The following SLC35F4 variants were observed in gnomAD, a reference collection of about 807,000 sequenced individuals.
SLC35F4 encodes the protein chromosome 14 open reading frame 36.
In SLC35F4, 24 loss-of-function variants were observed where a neutral mutation model predicts 44.2. The observed-to-expected ratio is 0.54, with a 90% CI of 0.39 to 0.76. The LOEUF (loss-of-function observed/expected upper bound fraction) is 0.76, where lower values mean the gene tolerates loss of function less well. Among genes scored for constraint, SLC35F4 ranks in the 30% least tolerant of loss-of-function variants. The pLI is 0.00. For missense variants in SLC35F4, 562 were observed against 586.1 expected, an observed-to-expected ratio of 0.96 and a Z score of 0.42; for synonymous variants, 238 against 223.6, an observed-to-expected ratio of 1.06 and a Z score of -0.57.
intron 1 of SLC35F4, among the ~76,000 whole-genome samples, chr14:57,841,750 G>C (rs1885504695): frequency 6.6e-6 from 1 of 152,108 alleles, no homozygotes; most frequent in Non-Finnish European, 1.5e-5. Flanking sequence ...AAGCCACGTA[G>C]ATCATTACAA....
intron 1 of SLC35F4, among the ~76,000 whole-genome samples, chr14:57,650,768 C>T (rs958045047): frequency 1.3e-5 from 2 of 152,192 alleles, no homozygotes; most frequent in African/African-American, 4.8e-5. Context: ...TCCCTGCCCA[C>T]CCCTCCAGGT....
chr14:57,963,618 G>A (rs144281081), intron 1 of SLC35F4, among the ~76,000 whole-genome samples: 3 of 151,650 alleles, frequency 2.0e-5, no homozygotes, highest in Non-Finnish European at 4.4e-5. Context: ...CTCACAGCAC[G>A]TGGAACTGTC....
intron 1 of SLC35F4, among the ~76,000 whole-genome samples, chr14:57,819,035 C>A (rs1381884068): frequency 1.3e-5 from 2 of 152,102 alleles, no homozygotes; most frequent in East Asian, 1.9e-4. Flanking sequence ...CTAACCAATA[C>A]ATTAAATTTA....
At chr14:57,707,691 T>TGGGTAATG (rs1308111166) in intron 1 of SLC35F4, among the ~76,000 whole-genome samples, 1 of 152,150 alleles carries the variant, frequency 6.6e-6, no homozygotes, top group Admixed American at 6.5e-5. Flanking sequence ...ACTTTGGAAC[T>TGGGTAATG]GGGTAATGGG....
intron 1 of SLC35F4, among the ~76,000 whole-genome samples, chr14:57,659,462 T>C (rs1345180451): frequency 6.6e-6 from 1 of 152,168 alleles, no homozygotes; most frequent in East Asian, 1.9e-4. Context: ...CAGTCAGAAT[T>C]AAATAGAAAT....
chr14:57,723,114 G>A (rs1015821892), intron 1 of SLC35F4, among the ~76,000 whole-genome samples: 2 of 152,148 alleles, frequency 1.3e-5, no homozygotes, highest in East Asian at 3.9e-4. Flanking sequence ...CATCATTGTG[G>A]TCCTCCAGTT....
At position 57,799,173 on chromosome 14, in the gene SLC35F4, C is replaced by T. The variant is rs79068124; in HGVS notation, c.103+66550G>A. The stretch of plus-strand genomic sequence containing the variant: ...CACAAAGAACAAAGAAAAGCAGGGA[C>T]GGAGCAACGTCCCTAGGAGCTGCTC... On this transcript the variant is annotated intron_variant, in intron 1 of 7. Transcript: ENST00000556826. Among the ~76,000 whole-genome samples the T allele has an allele frequency of 8.6e-3, 1,302 of 152,234 alleles. 6 individuals are homozygous for T. The highest frequency in any genetic ancestry group is 0.012 in the Non-Finnish European group (826 of 68,012).
intron 1 of SLC35F4, among the ~76,000 whole-genome samples, chr14:57,846,268 A>G (rs1191527137): frequency 6.6e-6 from 1 of 152,210 alleles, no homozygotes; most frequent in Non-Finnish European, 1.5e-5. Flanking sequence ...TCTCCCTAGG[A>G]TGAAGATCCT....
chr14:57,888,000 C>G (rs907598041), intron 1 of SLC35F4, among the ~76,000 whole-genome samples: 1 of 152,092 alleles, frequency 6.6e-6, no homozygotes, highest in Non-Finnish European at 1.5e-5. Flanking sequence ...ATTTATTGGA[C>G]CCAGGAGATG....
At chr14:57,919,320 C>A (rs1889393449) in intron 1 of SLC35F4, among the ~76,000 whole-genome samples, 2 of 152,188 alleles carry the variant, frequency 1.3e-5, no homozygotes, top group African/African-American at 2.4e-5. Flanking sequence ...GGGACAATAA[C>A]CTACTCCTTA....
intron 1 of SLC35F4, among the ~76,000 whole-genome samples, chr14:57,638,063 A>C (rs1231293450): frequency 1.3e-5 from 2 of 152,146 alleles, no homozygotes; most frequent in African/African-American, 4.8e-5. Flanking sequence ...CATAAGAATA[A>C]ACTATGTCCT....
intron 1 of SLC35F4, among the ~76,000 whole-genome samples, chr14:57,749,753 CA>C (rs1409587370): frequency 6.6e-6 from 1 of 152,080 alleles, no homozygotes; most frequent in African/African-American, 2.4e-5. Context: ...GTTCTTTCAC[CA>C]AGGTCAGTTC....
chr14:57,809,379 T>C (rs1416495834), intron 1 of SLC35F4, among the ~76,000 whole-genome samples: 9 of 152,150 alleles, frequency 5.9e-5, no homozygotes, highest in Non-Finnish European at 1.0e-4. Flanking sequence ...TGAGTAGAAG[T>C]GATTCATGGC....
intron 1 of SLC35F4, among the ~76,000 whole-genome samples, chr14:57,897,218 A>G (rs1276261651): frequency 6.6e-6 from 1 of 152,076 alleles, no homozygotes; most frequent in African/African-American, 2.4e-5. Flanking sequence ...TGTTAGCACC[A>G]TTTCTTGCAA....
chr14:57,744,253 G>T (rs568082972), intron 1 of SLC35F4, among the ~76,000 whole-genome samples: 3 of 152,244 alleles, frequency 2.0e-5, no homozygotes, highest in Non-Finnish European at 4.4e-5. Flanking sequence ...AAGAAATAAA[G>T]GGTATTCAAT....
chr14:57,865,492 A>T (rs1013588688), intron 1 of SLC35F4, among the ~76,000 whole-genome samples: 3 of 152,120 alleles, frequency 2.0e-5, no homozygotes, highest in Non-Finnish European at 4.4e-5. Context: ...GACTGTTTCC[A>T]AACTCCTGGG....
chr14:57,656,374 TATACACACAC>T (rs1243843394), intron 1 of SLC35F4, among the ~76,000 whole-genome samples: 1,428 of 125,636 alleles, frequency 0.011, 23 homozygotes, highest in African/African-American at 0.03. Flanking sequence ...TATATATATA[TATACACACAC>T]ACACACACAC....
intron 1 of SLC35F4, among the ~76,000 whole-genome samples, chr14:57,683,129 C>G (rs1164372759): frequency 4.6e-5 from 7 of 152,166 alleles, no homozygotes; most frequent in Non-Finnish European, 1.0e-4. Context: ...TCTGCAAACA[C>G]ATAGCTAATT....
intron 1 of SLC35F4, among the ~76,000 whole-genome samples, chr14:57,822,527 A>C (rs1197307418): frequency 1.3e-5 from 2 of 152,264 alleles, no homozygotes; most frequent in East Asian, 1.9e-4. Context: ...ACAGTTCTTA[A>C]GTTTTATTTT....
Sources: allele counts gnomAD v4.1 joint callset (sites outside exome capture counted in the v4.1 genomes callset), GRCh38; gene constraint gnomAD v4.1.1; transcripts MANE v1.5; gene names NCBI Gene and HGNC (gene_info 2026-07-23, HGNC 2026-07-21).